Variants in ATP1A1 observed in about 807,000 individuals in gnomAD.
The protein encoded by ATP1A1 is ATPase Na+/K+ transporting subunit alpha 1.
A neutral mutation model predicts 114.8 loss-of-function variants in ATP1A1; 14 were observed. The observed-to-expected ratio is 0.12, with a 90% CI of 0.08 to 0.19. The LOEUF (loss-of-function observed/expected upper bound fraction) is 0.19. Among genes scored for constraint, ATP1A1 ranks in the 10% least tolerant of loss-of-function variants. The pLI is 1.00. For synonymous variants in ATP1A1, 471 were observed against 466.3 expected (o/e 1.01, Z -0.13); for missense variants, 524 against 1,290.7 (o/e 0.41, Z 9.10).
rs773162224 is a variant in ATP1A1 at position 116,399,591 on chromosome 1, G to A, written c.2572+48G>A. The A allele has an allele frequency of 9.3e-6, 15 of 1,609,568 alleles. No homozygotes were observed. Among genetic ancestry groups the A allele is most frequent in the Non-Finnish European group, 1.3e-5 (15 of 1,177,586 alleles). ...AAGCTGGCACATCTAAGGCATCTGA[G>A]GTGATGGTGTCCACCTCAGGTTGAG... On this transcript the variant is annotated intron_variant, in intron 18 of 22. Coordinates refer to ENST00000295598, the MANE Select transcript of ATP1A1 (RefSeq NM_000701.8). The surrounding 1 kb of genome is among the most constrained non-coding windows in gnomAD (Gnocchi z 5.0).
intron 21 of ATP1A1, among the ~76,000 whole-genome samples, chr1:116,402,332 C>T (rs925766198): frequency 1.1e-4 from 17 of 152,202 alleles, no homozygotes; most frequent in Admixed American, 1.0e-3. Context: ...TTGATTAAAA[C>T]GTGCAAAGCC....
chr1:116,382,306 A>T (rs911811278), intron 1 of ATP1A1: 1 of 152,224 alleles, frequency 6.6e-6, no homozygotes, highest in Non-Finnish European at 1.5e-5. Flanking sequence ...AGCTAAAGAT[A>T]TACCACTTTA....
chr1:116,384,144 T>C lies in ATP1A1; in HGVS notation c.123+20T>C, dbSNP rs1557782054. 1.9e-6 allele frequency: 3 copies of C among 1,576,782 alleles called. No individual in the cohort carries two copies. Among genetic ancestry groups the C allele is most frequent in the Non-Finnish European group, 2.6e-6 (3 of 1,146,612 alleles). On this transcript the variant is annotated intron_variant, in intron 2 of 22. Coordinates refer to ENST00000295598, the MANE Select transcript of ATP1A1 (RefSeq NM_000701.8). The surrounding 1 kb of genome is among the most constrained non-coding windows in gnomAD (Gnocchi z 5.1). ...TCTATGGTAAGTACTAGGAGGAATA[T>C]TGTATTCCATCCTTATTAAAAATCC...
Position 116,398,289 on chromosome 1 carries a change from T to C in ATP1A1, c.2124+251T>C, listed in dbSNP as rs1226007852. ...GACCGCTCCGTGGAGTCATCTGATATGGGGTCCTAGTATTTGCAATAGAGA... is the reference window on the plus strand; with the variant it reads ...GACCGCTCCGTGGAGTCATCTGATACGGGGTCCTAGTATTTGCAATAGAGA... On this transcript the variant is annotated intron_variant, in intron 15 of 22. Coordinates refer to ENST00000295598, the MANE Select transcript of ATP1A1 (RefSeq NM_000701.8). The surrounding 1 kb of genome is among the most constrained non-coding windows in gnomAD (Gnocchi z 6.1). 2.0e-5 allele frequency among the ~76,000 whole-genome samples: 3 copies of C among 152,164 alleles called. No homozygotes were observed. The highest frequency in any genetic ancestry group is 2.4e-5 in the African/African-American group (1 of 41,438).
At chr1:116,386,052 G>C (rs1410610439) in intron 3 of ATP1A1, 3 of 148,862 alleles carry the variant, frequency 2.0e-5, no homozygotes, top group African/African-American at 7.7e-5. Flanking sequence ...CTTAAACCTG[G>C]GAGGTGGAGG....
chr1:116,380,617 T>C (rs1360455441), intron 1 of ATP1A1, among the ~76,000 whole-genome samples: 1 of 152,182 alleles, frequency 6.6e-6, no homozygotes, highest in Non-Finnish European at 1.5e-5. Context: ...AGCAACATCT[T>C]CAGCTCTAGC....
rs983611987 is a variant in ATP1A1 at position 116,381,058 on chromosome 1, A to G, written c.13-2956A>G. ...GGGCGGGGGTGCCCTTACATGGAAC[A>G]TGATGAGAGTGAGGATTAATCACTC... is the stretch of plus-strand genomic sequence containing the variant. On this transcript the variant is annotated intron_variant, in intron 1 of 22. Coordinates refer to ENST00000295598, the MANE Select transcript of ATP1A1 (RefSeq NM_000701.8). This position sits in a 1 kb window ranked among gnomAD's most constrained non-coding sequence, Gnocchi z 5.1. 2.0e-5 allele frequency among the ~76,000 whole-genome samples: 3 copies of G among 152,204 alleles called. No homozygotes were observed. Among genetic ancestry groups the G allele is most frequent in the Non-Finnish European group, 4.4e-5 (3 of 68,038 alleles).
chr1:116,396,618 C>T lies in ATP1A1; in HGVS notation c.1857C>T (p.Asp619=), dbSNP rs1261813038. The change falls in exon 14 of 23, where the codon GAC becomes GAT. Residue 619 remains aspartate, a synonymous_variant. Transcript: ENST00000295598. ...TACAGGTCATCATGGTCACAGGAGA[C>T]CATCCAATCACAGCTAAAGCTATTG... ...AGIKVIMVTG[D]HPITAKAIAK... is the part of the protein sequence containing the mutation. 6.2e-7 allele frequency: 1 copy of T among 1,613,840 alleles called. No individual in the cohort carries two copies. The highest frequency in any genetic ancestry group is 8.5e-7 in the Non-Finnish European group (1 of 1,179,884).
intron 21 of ATP1A1, among the ~76,000 whole-genome samples, chr1:116,402,207 ACT>A (rs147699696): frequency 0.021 from 3,251 of 152,126 alleles, 127 homozygotes; most frequent in African/African-American, 0.074. Context: ...ACAGTGAATG[ACT>A]CTGCATTTCA....
rs1162029446 is a variant in ATP1A1, at chr1:116,388,306, G to A, written c.501+62G>A. 15 of 1,327,130 alleles carry A rather than the reference G, an allele frequency of 1.1e-5. No homozygotes were observed. The East Asian group carries it at 3.5e-4, about 31-fold the overall frequency. 82.2% of individuals were successfully genotyped at this position (1,327,130 alleles called of 1,614,324 possible). On this transcript the variant is annotated intron_variant, in intron 5 of 22. Transcript: ENST00000295598. The surrounding 1 kb of genome is among the most constrained non-coding windows in gnomAD (Gnocchi z 5.6). ...GACAGCCCCAAGCATGTCAGCCTGTGAATTAGTGTGAAGTTAAGGTTTTCC... is the reference window on the plus strand; with the variant it reads ...GACAGCCCCAAGCATGTCAGCCTGTAAATTAGTGTGAAGTTAAGGTTTTCC...
Position 116,400,865 on chromosome 1 carries a change from G to T in ATP1A1, c.2577G>T (p.Met859Ile). The T allele has an allele frequency of 6.2e-7, 1 of 1,614,188 alleles. No individual in the cohort carries two copies. Among genetic ancestry groups the T allele is most frequent in the South Asian group, 1.1e-5 (1 of 91,068 alleles). ...TGGGTTGTTTTCCCAACTTAGGAAT[G>T]ATCCAGGCCCTGGGAGGCTTCTTTA... Reference protein sequence around the residue: ...LISMAYGQIGMIQALGGFFTY... With the variant: ...LISMAYGQIGIIQALGGFFTY... Residue 859 changes from methionine (M) to isoleucine (I), a missense_variant, in exon 19 of 23, where the codon ATG (methionine) becomes ATT (isoleucine). Met to Ile is a conservative substitution (Grantham distance 10). Around this residue, in one of 8 missense-constraint regions of ATP1A1, gnomAD observed 84 missense variants for 209.3 expected, o/e 0.40. Transcript: ENST00000295598.
chr1:116,376,613 C>A (rs1651391480), intron 1 of ATP1A1, among the ~76,000 whole-genome samples: 1 of 152,112 alleles, frequency 6.6e-6, no homozygotes, highest in South Asian at 2.1e-4. Context: ...AAGGGTGTAT[C>A]CCCTTTTGGT....
Position 116,388,560 on chromosome 1 carries a change from C to CT in ATP1A1, c.502-77dup. 4 of 1,496,736 alleles carry CT rather than the reference C, an allele frequency of 2.7e-6. No homozygotes were observed. The East Asian group carries it at 9.1e-5, about 34-fold the overall frequency. The allele number at this position is 1,496,736 out of a possible 1,614,324, so 92.7% of individuals were successfully genotyped here. ...TGTATTCAGGTAATTAGGATTATGA[C>CT]TATTTTTATTTTCTTGTTTTGGACA... On this transcript the variant is annotated intron_variant, in intron 5 of 22. Coordinates refer to ENST00000295598, the MANE Select transcript of ATP1A1 (RefSeq NM_000701.8). This position sits in a 1 kb window ranked among gnomAD's most constrained non-coding sequence, Gnocchi z 5.6.
At chr1:116,390,457 T>C in intron 9 of ATP1A1, 46 bp downstream of exon 9, 1 of 1,546,828 alleles carries the variant, frequency 6.5e-7, no homozygotes, top group Non-Finnish European at 8.8e-7. Context: ...CTGACTTCGC[T>C]TGGTTTTTTT....
At chr1:116,374,756 G>C (rs1306472686) in intron 1 of ATP1A1, among the ~76,000 whole-genome samples, 4 of 152,144 alleles carry the variant, frequency 2.6e-5, no homozygotes, top group Non-Finnish European at 5.9e-5. Context: ...TTGTCTCCAG[G>C]GTTTAGCACA....
intron 18 of ATP1A1, among the ~76,000 whole-genome samples, chr1:116,400,055 G>C (rs1219241315): frequency 6.6e-6 from 1 of 152,220 alleles, no homozygotes. Context: ...TAGCTAACAG[G>C]TGATCCAGGT....
At chr1:116,394,636 C>T (rs146415861) in intron 12 of ATP1A1, among the ~76,000 whole-genome samples, 17 of 152,144 alleles carry the variant, frequency 1.1e-4, no homozygotes, top group African/African-American at 4.1e-4. Flanking sequence ...TACTTATCCT[C>T]AAAAGTAGCT....
rs1240977404 is a variant in ATP1A1 at position 116,401,477 on chromosome 1, C to T, written c.2850-77C>T. On this transcript the variant is annotated intron_variant, in intron 20 of 22. Transcript: ENST00000295598. The surrounding 1 kb of genome is among the most constrained non-coding windows in gnomAD (Gnocchi z 4.7). ...GCTAATACATAAAGATGTTGATCTG[C>T]CATTTTAATGCATAGCATTAGAAGA... 4.0e-6 allele frequency: 6 copies of T among 1,485,654 alleles called. No individual in the cohort carries two copies. The highest frequency in any genetic ancestry group is 1.4e-5 in the African/African-American group (1 of 71,580). The allele number at this position is 1,485,654 out of a possible 1,614,324, so 92.0% of individuals were successfully genotyped here. A position where few individuals can be genotyped will look rare whatever the true frequency, so the allele number is the denominator to read the frequency against.
At position 116,393,157 on chromosome 1, in the gene ATP1A1, G is replaced by T; in HGVS notation, c.1467+169G>T. 9.8e-7 allele frequency: 1 copy of T among 1,015,856 alleles called. No homozygotes were observed. The highest frequency in any genetic ancestry group is 2.7e-5 in the East Asian group (1 of 37,722). The allele number at this position is 1,015,856 out of a possible 1,614,324, so 62.9% of individuals were successfully genotyped here. A position where few individuals can be genotyped will look rare whatever the true frequency, so the allele number is the denominator to read the frequency against. Reference sequence around the variant, plus strand: ...CCATAATTTAGTTGAATATCAGCAGGATAAATGAAGCCTCTTGCAAAACAC... The same window carrying T: ...CCATAATTTAGTTGAATATCAGCAGTATAAATGAAGCCTCTTGCAAAACAC... On this transcript the variant is annotated intron_variant, in intron 11 of 22. Coordinates refer to ENST00000295598, the MANE Select transcript of ATP1A1 (RefSeq NM_000701.8). This position sits in a 1 kb window ranked among gnomAD's most constrained non-coding sequence, Gnocchi z 5.0.
Sources: allele counts gnomAD v4.1 joint callset (sites outside exome capture counted in the v4.1 genomes callset), GRCh38; gene constraint gnomAD v4.1.1; regional missense constraint gnomAD v4.1.1; non-coding constraint Gnocchi (gnomAD v3.1); transcripts MANE v1.5; gene names NCBI Gene and HGNC (gene_info 2026-07-23, HGNC 2026-07-21).